The following LDLRAD4 variants were observed in gnomAD, a reference collection of about 807,000 sequenced individuals.
The protein encoded by LDLRAD4 is low-density lipoprotein receptor class A domain-containing protein 4.
LDLRAD4 carries 5 observed loss-of-function variants against 17.0 expected under a neutral mutation model. The ratio of observed to expected loss-of-function variants is 0.29; its 90% CI spans 0.15 to 0.62. LDLRAD4 has a LOEUF of 0.62. Among genes scored for constraint, LDLRAD4 ranks in the 20% least tolerant of loss-of-function variants. The pLI, the probability that LDLRAD4 is intolerant of heterozygous loss-of-function variation, is 0.84. For synonymous variants in LDLRAD4, 168 were observed against 171.8 expected (o/e 0.98, Z 0.17); for missense variants, 340 against 424.7 (o/e 0.80, Z 1.75).
intron 2 of LDLRAD4, among the ~76,000 whole-genome samples, chr18:13,413,250 G>A (rs902081668): frequency 6.6e-6 from 1 of 152,236 alleles, no homozygotes; most frequent in African/African-American, 2.4e-5. Flanking sequence ...GACCTATCAA[G>A]TGGGGAGGGA....
intron 3 of LDLRAD4, among the ~76,000 whole-genome samples, chr18:13,602,668 G>A (rs997976116): frequency 4.6e-5 from 7 of 151,586 alleles, no homozygotes; most frequent in East Asian, 3.9e-4. Flanking sequence ...GGCTGGTCTC[G>A]AACTTCTGAC....
intron 1 of LDLRAD4, among the ~76,000 whole-genome samples, chr18:13,238,797 C>T (rs1009260165): frequency 1.3e-5 from 2 of 152,174 alleles, no homozygotes; most frequent in African/African-American, 4.8e-5. Context: ...TATAATGTCA[C>T]GTTCCCAGGG....
intron 1 of LDLRAD4, among the ~76,000 whole-genome samples, chr18:13,319,101 C>G (rs891537041): frequency 4.2e-4 from 64 of 152,306 alleles, no homozygotes; most frequent in African/African-American, 1.4e-3. Context: ...GCTGCTGCAG[C>G]TCTTATTTCT....
intron 1 of LDLRAD4, among the ~76,000 whole-genome samples, chr18:13,309,495 G>A (rs989416289): frequency 2.0e-5 from 3 of 152,172 alleles, no homozygotes; most frequent in African/African-American, 7.2e-5. Context: ...AGTTTACTGA[G>A]GACTTAGGGG....
chr18:13,240,470 C>A (rs570185609), intron 1 of LDLRAD4: 1 of 152,308 alleles, frequency 6.6e-6, no homozygotes, highest in Admixed American at 6.5e-5. Context: ...GCTTCAGCCT[C>A]CCTCGGCCTT....
chr18:13,573,012 T>C (rs2094714447), intron 3 of LDLRAD4, among the ~76,000 whole-genome samples: 1 of 152,248 alleles, frequency 6.6e-6, no homozygotes, highest in African/African-American at 2.4e-5. Context: ...TGTGTGGATG[T>C]TATTAGATGT....
intron 3 of LDLRAD4, among the ~76,000 whole-genome samples, chr18:13,554,577 G>C (rs2148122628): frequency 6.6e-6 from 1 of 152,208 alleles, no homozygotes; most frequent in South Asian, 2.1e-4. Context: ...ACACACCTAA[G>C]ACTCGGGGTC....
rs536600931 is a variant in LDLRAD4 at position 13,524,748 on chromosome 18, G to T, written c.181+86364G>T. Among the ~76,000 whole-genome samples the T allele has an allele frequency of 6.6e-5, 10 of 152,342 alleles. No individual in the cohort carries two copies. The South Asian group carries it at 2.1e-3, about 32-fold the overall frequency. On this transcript the variant is annotated intron_variant, in intron 3 of 5. Transcript: ENST00000359446. ...TGTGCGTATTTCAGCTCCCTGCAAAGGAGATGTGGCTTCATGCAGGGTCCC... is the reference window on the plus strand; with the variant it reads ...TGTGCGTATTTCAGCTCCCTGCAAATGAGATGTGGCTTCATGCAGGGTCCC...
At chr18:13,495,882 C>A (rs1163543062) in intron 3 of LDLRAD4, among the ~76,000 whole-genome samples, 1 of 152,232 alleles carries the variant, frequency 6.6e-6, no homozygotes, top group Admixed American at 6.5e-5. Context: ...CCATCACCTT[C>A]TAGCTCAGTC....
chr18:13,464,648 A>G (rs575809630), intron 3 of LDLRAD4, among the ~76,000 whole-genome samples: 42 of 152,054 alleles, frequency 2.8e-4, no homozygotes, highest in Non-Finnish European at 4.9e-4. Flanking sequence ...TCCACAGGGA[A>G]GTGCACCTGA....
intron 1 of LDLRAD4, among the ~76,000 whole-genome samples, chr18:13,248,764 C>T (rs959138303): frequency 3.3e-5 from 5 of 152,170 alleles, no homozygotes; most frequent in African/African-American, 9.7e-5. Context: ...GTGCTGGGAA[C>T]ATTCAGTATC....
exon 2 of LDLRAD4, chr18:13,387,530 C>T (rs928914131): frequency 2.6e-5 from 14 of 546,372 alleles, no homozygotes; most frequent in Admixed American, 1.0e-4. Context: ...GGACCGCCGC[C>T]GCCCAGGTGC....
chr18:13,620,148 G>A (rs530215811), intron 3 of LDLRAD4, among the ~76,000 whole-genome samples: 5 of 152,266 alleles, frequency 3.3e-5, no homozygotes, highest in South Asian at 2.1e-4. Context: ...ATCGCCCCAC[G>A]TATGAGCGGA....
chr18:13,284,431 C>T (rs920470462), intron 1 of LDLRAD4, among the ~76,000 whole-genome samples: 4 of 152,220 alleles, frequency 2.6e-5, no homozygotes, highest in Non-Finnish European at 5.9e-5. Context: ...AACTCAAATG[C>T]GCTAGCAGCT....
At chr18:13,384,340 T>C (rs763618759) in intron 1 of LDLRAD4, among the ~76,000 whole-genome samples, 12 of 152,252 alleles carry the variant, frequency 7.9e-5, no homozygotes, top group Admixed American at 1.3e-4. Context: ...TTTTGGTATA[T>C]GTATGCATGG....
rs540349131 is a variant in LDLRAD4 at position 13,242,633 on chromosome 18, G to GT, written c.-467+23647dup. On this transcript the variant is annotated intron_variant, in intron 1 of 5. Transcript: ENST00000399848. ...TTTTTTTTGCAAGCCACTCTGCATT[G>GT]TTATTTTTTAATTAAAAAATTAAAA... 5.7e-4 allele frequency among the ~76,000 whole-genome samples: 86 copies of GT among 152,136 alleles called. 1 individual carries two copies. In the South Asian group the frequency reaches 0.017, roughly 31 times the overall value.
intron 3 of LDLRAD4, among the ~76,000 whole-genome samples, chr18:13,544,583 G>C (rs1028139528): frequency 6.6e-6 from 1 of 152,234 alleles, no homozygotes; most frequent in African/African-American, 2.4e-5. Flanking sequence ...CCTGCATGGT[G>C]GATGGGAAAG....
intron 2 of LDLRAD4, among the ~76,000 whole-genome samples, chr18:13,396,941 C>A (rs985219291): frequency 6.6e-6 from 1 of 152,168 alleles, no homozygotes; most frequent in Non-Finnish European, 1.5e-5. Flanking sequence ...TTTCTAGATG[C>A]CATATTGTAT....
At chr18:13,643,699 G>A (rs1346549886) in intron 5 of LDLRAD4, among the ~76,000 whole-genome samples, 2 of 152,182 alleles carry the variant, frequency 1.3e-5, no homozygotes, top group Non-Finnish European at 2.9e-5. Context: ...TTGGCAAGTG[G>A]GCATGGTTTA....
Sources: allele counts gnomAD v4.1 joint callset (sites outside exome capture counted in the v4.1 genomes callset), GRCh38; gene constraint gnomAD v4.1.1; transcripts MANE v1.5; gene names NCBI Gene and HGNC (gene_info 2026-07-23, HGNC 2026-07-21).